The following LMO7 variants were observed in gnomAD, a reference collection of about 807,000 sequenced individuals.
LMO7 encodes the protein LIM domain 7.
Under a neutral mutation model 206.5 loss-of-function variants are expected in LMO7, and 120 were observed. The observed-to-expected ratio is 0.58, with a 90% CI of 0.50 to 0.68. The LOEUF (loss-of-function observed/expected upper bound fraction) is 0.68, where lower values mean the gene tolerates loss of function less well. LMO7 is among the 30% of genes least tolerant of loss of function. LMO7 has a pLI of 0.00. For synonymous variants in LMO7, 706 were observed against 681.5 expected, an observed-to-expected ratio of 1.04 and a Z score of -0.56; for missense variants, 1,959 against 1,957.9, an observed-to-expected ratio of 1.00 and a Z score of -0.01.
At chr13:75,830,994 AT>A (rs879847930) in intron 15 of LMO7, among the ~76,000 whole-genome samples, 161 of 146,782 alleles carry the variant, frequency 1.1e-3, no homozygotes, top group Admixed American at 1.4e-3. Context: ...TCTAAGTCAG[AT>A]TTTTTTTTTT....
chr13:75,676,543 T>A (rs2139441639), intron 1 of LMO7, among the ~76,000 whole-genome samples: 1 of 152,318 alleles, frequency 6.6e-6, no homozygotes, highest in Admixed American at 6.5e-5. Context: ...TGATTCTGTT[T>A]TGAATTCTGT....
At chr13:75,783,019 A>C (rs1266619916) in intron 4 of LMO7, among the ~76,000 whole-genome samples, 1 of 152,162 alleles carries the variant, frequency 6.6e-6, no homozygotes, top group South Asian at 2.1e-4. Flanking sequence ...GAACTCAATA[A>C]ATTTTCAGTA....
At chr13:75,684,992 G>T (rs79870938) in intron 1 of LMO7, among the ~76,000 whole-genome samples, 1 of 152,202 alleles carries the variant, frequency 6.6e-6, no homozygotes, top group Non-Finnish European at 1.5e-5. Context: ...ATGGCATTGC[G>T]ATTTGTTGGG....
At chr13:75,678,752 A>AT (rs560565574) in intron 1 of LMO7, among the ~76,000 whole-genome samples, 265 of 152,104 alleles carry the variant, frequency 1.7e-3, no homozygotes, top group African/African-American at 6.2e-3. Context: ...ATGATAAATA[A>AT]TTTTTTTTCT....
At chr13:75,715,779 C>G (rs922618890) in intron 2 of LMO7, among the ~76,000 whole-genome samples, 2 of 152,162 alleles carry the variant, frequency 1.3e-5, no homozygotes, top group Non-Finnish European at 2.9e-5. Context: ...TGGTTGCACT[C>G]TGAAATGATT....
chr13:75,833,911 A>G (rs1033064930), intron 16 of LMO7, among the ~76,000 whole-genome samples: 1 of 152,088 alleles, frequency 6.6e-6, no homozygotes, highest in African/African-American at 2.4e-5. Flanking sequence ...AAAATGCAGT[A>G]TGTTTCATAT....
intron 5 of LMO7, 44 bp downstream of exon 5, chr13:75,795,475 C>A: frequency 7.5e-7 from 1 of 1,337,352 alleles, no homozygotes; most frequent in Non-Finnish European, 1.1e-6. Flanking sequence ...GTGGCTTTCA[C>A]TTTCATGTTC....
intron 2 of LMO7, chr13:75,627,506 G>A (rs2034354437): frequency 6.6e-6 from 1 of 151,988 alleles, no homozygotes; most frequent in Non-Finnish European, 1.5e-5. Flanking sequence ...TGCCTTTTTA[G>A]CAAAACAATT....
intron 26 of LMO7, among the ~76,000 whole-genome samples, chr13:75,848,393 A>G (rs983956135): frequency 3.3e-5 from 5 of 152,154 alleles, no homozygotes; most frequent in African/African-American, 7.2e-5. Context: ...AATGCCATTA[A>G]TTCATTCCTT....
chr13:75,651,536 C>T (rs1452491863), intron 1 of LMO7, among the ~76,000 whole-genome samples: 2 of 152,154 alleles, frequency 1.3e-5, no homozygotes, highest in Admixed American at 6.5e-5. Context: ...TCTTGAACTC[C>T]TGACCTCAGG....
At chr13:75,738,200 T>G (rs2046112326) in intron 3 of LMO7, among the ~76,000 whole-genome samples, 1 of 152,244 alleles carries the variant, frequency 6.6e-6, no homozygotes, top group South Asian at 2.1e-4. Flanking sequence ...TTAAGCTGAG[T>G]TGTTACGGTG....
Position 75,853,250 on chromosome 13 carries a change from G to A in LMO7, c.4523G>A (p.Arg1508Gln), listed in dbSNP as rs750652931. 2.8e-5 allele frequency: 45 copies of A among 1,613,770 alleles called. No individual in the cohort carries two copies. The highest frequency in any genetic ancestry group is 1.5e-4 in the Admixed American group (9 of 59,970). Residue 1508 changes from arginine to glutamine, a missense_variant, in exon 28 of 31, where the codon CGG (arginine) becomes CAG (glutamine). By Grantham distance (43) the Arg-to-Gln change is conservative (BLOSUM62 1). Coordinates refer to ENST00000377534, the MANE Select transcript of LMO7 (RefSeq NM_001306080.2). ...LVSTSNRAYM[R>Q]NPSSSVPPPS... ...TCCACATCAAACCGTGCCTACATGC[G>A]GAACCCCTCCTCCAGCGTGCCCCCA...
intron 1 of LMO7, among the ~76,000 whole-genome samples, chr13:75,669,443 G>C (rs1377625649): frequency 6.6e-6 from 1 of 152,174 alleles, no homozygotes; most frequent in African/African-American, 2.4e-5. Flanking sequence ...AGCAATCTCA[G>C]AGTGAAGGTG....
At chr13:75,770,996 G>A (rs1054101085) in intron 4 of LMO7, among the ~76,000 whole-genome samples, 12 of 152,116 alleles carry the variant, frequency 7.9e-5, no homozygotes, top group East Asian at 7.8e-4. Flanking sequence ...ATTTGCTGAC[G>A]TTCTTTCTAG....
At chr13:75,662,903 C>T (rs2038738226) in intron 1 of LMO7, among the ~76,000 whole-genome samples, 2 of 152,128 alleles carry the variant, frequency 1.3e-5, no homozygotes, top group Non-Finnish European at 2.9e-5. Flanking sequence ...AAGTACTTTC[C>T]TGTGTGTTTT....
upstream of LMO7, chr13:75,635,820 G>T (rs922362859): frequency 6.6e-6 from 1 of 152,268 alleles, no homozygotes; most frequent in Non-Finnish European, 1.5e-5. Context: ...GGGAGGGGAC[G>T]GCGCTCACCT....
upstream of LMO7, chr13:75,631,875 C>G (rs980243036): frequency 2.4e-4 from 36 of 152,288 alleles, no homozygotes; most frequent in African/African-American, 6.5e-4. Flanking sequence ...GTGTCTACCG[C>G]CGTTACTCAT....
intron 4 of LMO7, among the ~76,000 whole-genome samples, chr13:75,780,764 A>T (rs543600750): frequency 6.6e-6 from 1 of 152,256 alleles, no homozygotes; most frequent in Non-Finnish European, 1.5e-5. Flanking sequence ...GTAAGAAATT[A>T]TAAAAGTATT....
intron 4 of LMO7, among the ~76,000 whole-genome samples, chr13:75,792,357 A>T (rs1269536397): frequency 1.3e-5 from 2 of 152,170 alleles, no homozygotes; most frequent in South Asian, 4.1e-4. Context: ...TCCAGAAGGA[A>T]ATCAAAGCTT....
Sources: allele counts gnomAD v4.1 joint callset (sites outside exome capture counted in the v4.1 genomes callset), GRCh38; gene constraint gnomAD v4.1.1; transcripts MANE v1.5; gene names NCBI Gene and HGNC (gene_info 2026-07-23, HGNC 2026-07-21).